The following NUAK2 variants were observed in gnomAD, a reference collection of about 807,000 sequenced individuals.
NUAK2 encodes NUAK family SNF1-like kinase 2.
In NUAK2, 20 loss-of-function variants were observed where a neutral mutation model predicts 29.8. The ratio of observed to expected loss-of-function variants is 0.67; its 90% CI spans 0.47 to 0.98. The LOEUF is 0.98. NUAK2 is among the 50% of genes least tolerant of loss of function. The pLI, the probability that NUAK2 is intolerant of heterozygous loss-of-function variation, is 0.00. For missense variants in NUAK2, 719 were observed against 834.5 expected (o/e 0.86, Z 1.71); for synonymous variants, 331 against 342.6 (o/e 0.97, Z 0.37).
At position 205,310,809 on chromosome 1, in the gene NUAK2, C is replaced by T. The variant is rs188616152; in HGVS notation, c.352+896G>A. Among the ~76,000 whole-genome samples the T allele has an allele frequency of 4.6e-5, 7 of 152,308 alleles. 1 individual carries two copies. The East Asian group carries it at 1.4e-3, about 29-fold the overall frequency. On this transcript the variant is annotated intron_variant, in intron 2 of 6. Transcript: ENST00000367157. Reference sequence around the variant, plus strand: ...AAAATTAGCCTTCTCAGCCACTTGCCTGGCTCTTCATGGGACAGGCTTAAG... The same window carrying T: ...AAAATTAGCCTTCTCAGCCACTTGCTTGGCTCTTCATGGGACAGGCTTAAG...
intron 4 of NUAK2, among the ~76,000 whole-genome samples, chr1:205,307,782 T>C (rs1473131835): frequency 6.6e-6 from 1 of 152,198 alleles, no homozygotes; most frequent in Non-Finnish European, 1.5e-5. Context: ...TGTATGCAAG[T>C]GTGTACATAC....
intron 1 of NUAK2, among the ~76,000 whole-genome samples, chr1:205,314,852 TA>T (rs1160485034): frequency 6.6e-6 from 1 of 152,014 alleles, no homozygotes; most frequent in Non-Finnish European, 1.5e-5. Context: ...ATCATAGGCT[TA>T]GGGGGCAGAA....
intron 1 of NUAK2, among the ~76,000 whole-genome samples, chr1:205,317,905 C>T (rs77060023): frequency 3.3e-5 from 5 of 152,324 alleles, no homozygotes; most frequent in East Asian, 3.9e-4. Flanking sequence ...ACCTCCAGGA[C>T]GCAGGGATTC....
rs1443895459 is a variant in NUAK2, at chr1:205,321,610, C to G, written c.19G>C (p.Ala7Pro). The G allele has an allele frequency of 6.2e-7, 1 of 1,610,350 alleles. No individual in the cohort carries two copies. MESLVF[A>P]RRSGPTPSAA... ...GAGGGAGTGGGGCCGGAGCGCCGCG[C>G]GAAAACCAGCGACTCCATGGCGAGC... is the stretch of plus-strand genomic sequence containing the variant. The change falls in exon 1 of 7, where the codon GCG (alanine) becomes CCG (proline). Residue 7 changes from alanine to proline, a missense_variant. By Grantham distance (27) the Ala-to-Pro change is conservative (BLOSUM62 -1). This residue lies in a region of NUAK2 where 283 missense variants were observed against 345.6 expected (regional missense o/e 0.82). Coordinates refer to ENST00000367157, the MANE Select transcript of NUAK2 (RefSeq NM_030952.3).
At chr1:205,307,763 A>ATG (rs1662202580) in intron 4 of NUAK2, among the ~76,000 whole-genome samples, 1 of 152,194 alleles carries the variant, frequency 6.6e-6, no homozygotes, top group African/African-American at 2.4e-5. Flanking sequence ...TAAAGCATGC[A>ATG]TGTGTGTGTG....
Position 205,308,484 on chromosome 1 carries a change from G to A in NUAK2, c.504+97C>T. The A allele has an allele frequency of 8.2e-6, 11 of 1,346,732 alleles. No homozygotes were observed. The highest frequency in any genetic ancestry group is 1.1e-5 in the Non-Finnish European group (11 of 961,054). The allele number at this position is 1,346,732 out of a possible 1,614,324, so 83.4% of individuals were successfully genotyped here. ...TCTAGTTTTGCCTCTGTTTCTGTGT[G>A]ATCCTGGACAAGTCATGGAACCTCT... is the stretch of plus-strand genomic sequence containing the variant. On this transcript the variant is annotated intron_variant, in intron 3 of 6. Transcript: ENST00000367157. This position sits in a 1 kb window ranked among gnomAD's most constrained non-coding sequence, Gnocchi z 4.1.
rs79442218 is a variant in NUAK2, at chr1:205,314,405, C to A, written c.232-2580G>T. 8.8e-3 allele frequency among the ~76,000 whole-genome samples: 1,340 copies of A among 152,330 alleles called. 6 individuals carry two copies. The highest frequency in any genetic ancestry group is 0.031 in the Middle Eastern group (9 of 294). ...CTATCCCCCTTCTGCTCCAAACCATCCATCTCTCCCTAGTGAGCTAAGCAA... is the reference window on the plus strand; with the variant it reads ...CTATCCCCCTTCTGCTCCAAACCATACATCTCTCCCTAGTGAGCTAAGCAA... On this transcript the variant is annotated intron_variant, in intron 1 of 6. Coordinates refer to ENST00000367157, the MANE Select transcript of NUAK2 (RefSeq NM_030952.3).
In NUAK2 at chr1:205,303,373, G is replaced by A; in HGVS notation, c.*77C>T. On this transcript the variant is annotated 3_prime_UTR_variant, in exon 7 of 7. Coordinates refer to ENST00000367157, the MANE Select transcript of NUAK2 (RefSeq NM_030952.3). ...CTGGGATGCAGGTCCTGGGAGGTGG[G>A]GGAGAAGGCATCTCCCCTCGGGGTG... 7.6e-7 allele frequency: 1 copy of A among 1,312,912 alleles called. No homozygotes were observed. The highest frequency in any genetic ancestry group is 1.0e-6 in the Non-Finnish European group (1 of 960,340). 81.3% of individuals were successfully genotyped at this position (1,312,912 alleles called of 1,614,324 possible).
chr1:205,317,258 G>A (rs1009497184), intron 1 of NUAK2, among the ~76,000 whole-genome samples: 2 of 152,250 alleles, frequency 1.3e-5, no homozygotes, highest in African/African-American at 4.8e-5. Flanking sequence ...AAGATCCAGA[G>A]ATGCTGGTTC....
At chr1:205,312,893 G>A (rs1662275031) in intron 1 of NUAK2, among the ~76,000 whole-genome samples, 1 of 152,194 alleles carries the variant, frequency 6.6e-6, no homozygotes, top group Non-Finnish European at 1.5e-5. Flanking sequence ...AAAAAGGAAT[G>A]AAATTCTGAC....
At chr1:205,305,356 A>T (rs1662165353) in intron 5 of NUAK2, 25 bp from the exon 6 acceptor site, 1 of 1,609,104 alleles carries the variant, frequency 6.2e-7, no homozygotes, top group Non-Finnish European at 8.5e-7. Context: ...GGAGGTCAGC[A>T]GGGATGCCCA....
In NUAK2 at chr1:205,308,469, C is replaced by T. The variant is rs1301027686; in HGVS notation, c.504+112G>A. The T allele has an allele frequency of 8.3e-7, 1 of 1,208,996 alleles. No homozygotes were observed. Among genetic ancestry groups the T allele is most frequent in the African/African-American group, 1.5e-5 (1 of 66,098 alleles). 74.9% of individuals were successfully genotyped at this position (1,208,996 alleles called of 1,614,324 possible). ...CCTGAGAGTCCAGAATCTAGTTTTG[C>T]CTCTGTTTCTGTGTGATCCTGGACA... On this transcript the variant is annotated intron_variant, in intron 3 of 6. Transcript: ENST00000367157. This position sits in a 1 kb window ranked among gnomAD's most constrained non-coding sequence, Gnocchi z 4.1.
intron 1 of NUAK2, among the ~76,000 whole-genome samples, chr1:205,317,675 A>C (rs1662348196): frequency 6.6e-6 from 1 of 152,118 alleles, no homozygotes; most frequent in Non-Finnish European, 1.5e-5. Flanking sequence ...CAAGGACAAG[A>C]GTGGCCTGCA....
chr1:205,321,301 C>T, intron 1 of NUAK2, 97 bp downstream of exon 1: 4 of 1,121,806 alleles, frequency 3.6e-6, no homozygotes, highest in Non-Finnish European at 4.9e-6. Context: ...CTGGCCTCTC[C>T]GCCGAGCAAC....
rs1662142513 is a variant in NUAK2 at position 205,304,239 on chromosome 1, A to G, written c.1098T>C (p.Pro366=). ...TGAGCGAATGCTGGCGCTCCAGGCC[A>G]GGGGTGGTGCTTCCCCCACCAGGTG... The part of the protein sequence containing the change: ...QHAPGGGSTT[P]GLERQHSLKK... Residue 366 remains proline (P), a synonymous_variant, in exon 7 of 7, where the codon CCT becomes CCC. Coordinates refer to ENST00000367157, the MANE Select transcript of NUAK2 (RefSeq NM_030952.3). The surrounding 1 kb of genome is among the most constrained non-coding windows in gnomAD (Gnocchi z 6.5). 9.9e-6 allele frequency: 16 copies of G among 1,614,158 alleles called. No individual in the cohort carries two copies. The highest frequency in any genetic ancestry group is 1.4e-5 in the Non-Finnish European group (16 of 1,180,028).
intron 1 of NUAK2, among the ~76,000 whole-genome samples, chr1:205,315,456 A>T (rs935384237): frequency 6.6e-6 from 1 of 152,240 alleles, no homozygotes; most frequent in Non-Finnish European, 1.5e-5. Context: ...AGCAGTGCTC[A>T]GATAAGATTT....
At chr1:205,313,648 C>T (rs933169190) in intron 1 of NUAK2, among the ~76,000 whole-genome samples, 1 of 151,944 alleles carries the variant, frequency 6.6e-6, no homozygotes, top group Non-Finnish European at 1.5e-5. Context: ...CAGTCCCCAC[C>T]CCTTCTCAGA....
rs376083348 is a variant in NUAK2, at chr1:205,321,691, C to G, written c.-63G>C. 135 of 1,378,900 alleles carry G rather than the reference C, an allele frequency of 9.8e-5. No homozygotes were observed. In the African/African-American group the frequency reaches 1.7e-3, roughly 17 times the overall value. The allele number at this position is 1,378,900 out of a possible 1,614,324, so 85.4% of individuals were successfully genotyped here. A position where few individuals can be genotyped will look rare whatever the true frequency, so the allele number is the denominator to read the frequency against. ...GTAGGCTGTGCGGGGAGGGCTGAAG[C>G]GCGGGGCACAGGTCCCGCACCAGGA... On this transcript the variant is annotated 5_prime_UTR_variant, in exon 1 of 7. Coordinates refer to ENST00000367157, the MANE Select transcript of NUAK2 (RefSeq NM_030952.3).
intron 4 of NUAK2, among the ~76,000 whole-genome samples, chr1:205,307,882 G>T (rs576255962): frequency 1.5e-4 from 23 of 152,374 alleles, no homozygotes; most frequent in Admixed American, 1.1e-3. Context: ...CATCAAAGGA[G>T]CACTCATCTG....
Sources: allele counts gnomAD v4.1 joint callset (sites outside exome capture counted in the v4.1 genomes callset), GRCh38; gene constraint gnomAD v4.1.1; regional missense constraint gnomAD v4.1.1; non-coding constraint Gnocchi (gnomAD v3.1); transcripts MANE v1.5; gene names NCBI Gene and HGNC (gene_info 2026-07-23, HGNC 2026-07-21).